CCDC40: variants seen among roughly 807,000 people sequenced by gnomAD.
The protein encoded by CCDC40 is coiled-coil domain 40 molecular ruler complex subunit.
In CCDC40, 104 loss-of-function variants were observed where a neutral mutation model predicts 124.5. The ratio of observed to expected loss-of-function variants is 0.84; its 90% confidence interval spans 0.71 to 0.98. The LOEUF is 0.98. Among genes scored for constraint, CCDC40 ranks in the 50% least tolerant of loss-of-function variants. CCDC40 has a pLI of 0.00. For missense variants in CCDC40, 1,463 were observed against 1,503.9 expected (o/e 0.97, Z 0.45); for synonymous variants, 580 against 602.9 (o/e 0.96, Z 0.56).
chr17:80,073,753 T>G (rs55956531), intron 10 of CCDC40, among the ~76,000 whole-genome samples: 3 of 152,096 alleles, frequency 2.0e-5, no homozygotes, highest in Non-Finnish European at 4.4e-5. Context: ...TGGAGGGCAG[T>G]GGCACGATCT....
chr17:80,083,672 C>T (rs2038512071), intron 12 of CCDC40, among the ~76,000 whole-genome samples: 1 of 152,234 alleles, frequency 6.6e-6, no homozygotes, highest in Non-Finnish European at 1.5e-5. Context: ...CACTGCCTCA[C>T]TCCTGATTAT....
At chr17:80,090,577 C>A (rs769235845) in intron 17 of CCDC40, 9 of 1,496,300 alleles carry the variant, frequency 6.0e-6, no homozygotes, top group Non-Finnish European at 8.0e-6. Flanking sequence ...AACCCTCAAA[C>A]TTTGTGACCC....
intron 7 of CCDC40, among the ~76,000 whole-genome samples, chr17:80,055,992 A>G (rs1346994534): frequency 2.2e-4 from 2 of 9,108 alleles, no homozygotes; most frequent in Non-Finnish European, 4.8e-4. Context: ...ATATATATAT[A>G]TATATATATA....
chr17:80,052,065 T>C (rs1032511199), intron 7 of CCDC40, among the ~76,000 whole-genome samples: 4 of 152,224 alleles, frequency 2.6e-5, no homozygotes, highest in African/African-American at 9.6e-5. Flanking sequence ...CAGCCACCAC[T>C]GCACAGTCCC....
chr17:80,080,751 A>C (rs994796698), intron 10 of CCDC40, among the ~76,000 whole-genome samples: 1 of 152,184 alleles, frequency 6.6e-6, no homozygotes, highest in African/African-American at 2.4e-5. Flanking sequence ...TGGGCTTTCA[A>C]TAGATAATAG....
In CCDC40 at chr17:80,051,720, A is replaced by AGTGGATG. The variant is rs1430368308; in HGVS notation, c.1159+1437_1159+1438insGTGGATG. Among the ~76,000 whole-genome samples the AGTGGATG allele has an allele frequency of 3.9e-3, 589 of 152,146 alleles. 4 individuals carry two copies. The highest frequency in any genetic ancestry group is 0.014 in the African/African-American group (574 of 41,526). ...AAACAGTAAAAGGAAAGAAAGTGAC[A>AGTGGATG]TCCACACTGAACTGAAAGAGCCACA... On this transcript the variant is annotated intron_variant, in intron 7 of 19. Coordinates refer to ENST00000397545, the MANE Select transcript of CCDC40 (RefSeq NM_017950.4).
In CCDC40 at chr17:80,066,352, C is replaced by A; in HGVS notation, c.1562+746C>A. 1 of 579,122 alleles carries A rather than the reference C, an allele frequency of 1.7e-6. No homozygotes were observed. Among genetic ancestry groups the A allele is most frequent in the South Asian group, 2.1e-5 (1 of 46,660 alleles). 35.9% of individuals were successfully genotyped at this position (579,122 alleles called of 1,614,324 possible). A position where few individuals can be genotyped will look rare whatever the true frequency, so the allele number is the denominator to read the frequency against. Reference sequence around the variant, plus strand: ...AGGCAGCCAGCAGCAGTCACACAACCAGGAGATGCTTTTCCTTTTGGGTGC... The same window carrying A: ...AGGCAGCCAGCAGCAGTCACACAACAAGGAGATGCTTTTCCTTTTGGGTGC... On this transcript the variant is annotated intron_variant, in intron 10 of 19. Coordinates refer to ENST00000397545, the MANE Select transcript of CCDC40 (RefSeq NM_017950.4). This position sits in a 1 kb window ranked among gnomAD's most constrained non-coding sequence, Gnocchi z 4.4.
intron 7 of CCDC40, among the ~76,000 whole-genome samples, chr17:80,057,804 G>T (rs965480105): frequency 6.6e-6 from 1 of 151,994 alleles, no homozygotes; most frequent in East Asian, 1.9e-4. Context: ...TGAACCCTGG[G>T]GGCGGAGCTT....
rs372360189 is a variant in CCDC40, at chr17:80,047,363, G to C, written c.637G>C (p.Glu213Gln). The change falls in exon 4 of 20, where the codon GAG (glutamate) becomes CAG (glutamine). Residue 213 changes from glutamate (E) to glutamine (Q), a missense_variant. Glu to Gln is a conservative substitution (Grantham distance 29). Coordinates refer to ENST00000397545, the MANE Select transcript of CCDC40 (RefSeq NM_017950.4). ...RFRLSHGSDI[E>Q]SSDLEEFVSQ... ...CCGGCTGAGCCACGGGAGCGACATC[G>C]AGTCCTCAGACCTGGAGGAGTTCGT... 3 of 1,613,602 alleles carry C rather than the reference G, an allele frequency of 1.9e-6. No homozygotes were observed. The highest frequency in any genetic ancestry group is 3.3e-5 in the Admixed American group (2 of 60,004).
Position 80,040,045 on chromosome 17 carries a change from T to C in CCDC40, c.327T>C (p.Ala109=), listed in dbSNP as rs1231498140. The C allele has an allele frequency of 1.9e-6, 3 of 1,614,110 alleles. No homozygotes were observed. In the Admixed American group the frequency reaches 5.0e-5, roughly 27 times the overall value. Residue 109 remains alanine, a synonymous_variant, in exon 3 of 20, where the codon GCT becomes GCC. Transcript: ENST00000397545. The part of the protein sequence containing the change: ...ETSSPEGQIS[A]ADTTYPYFSP... ...CATCCCCGGAAGGGCAAATCAGTGCTGCAGATACGACTTACCCGTATTTCA... is the reference window on the plus strand; with the variant it reads ...CATCCCCGGAAGGGCAAATCAGTGCCGCAGATACGACTTACCCGTATTTCA...
At position 80,087,655 on chromosome 17, in the gene CCDC40, T is replaced by C. The variant is rs1041533070; in HGVS notation, c.2498T>C (p.Met833Thr). The C allele has an allele frequency of 1.2e-6, 2 of 1,614,062 alleles. No individual in the cohort carries two copies. The highest frequency in any genetic ancestry group is 8.5e-7 in the Non-Finnish European group (1 of 1,179,946). The change falls in exon 15 of 20, where the codon ATG becomes ACG. Residue 833 changes from methionine (M) to threonine (T), a missense_variant. Met to Thr is a moderately conservative substitution (Grantham distance 81). Transcript: ENST00000397545. The surrounding 1 kb of genome is among the most constrained non-coding windows in gnomAD (Gnocchi z 4.5). ...GAGCAGAAGGAGATCGAGCACCACA[T>C]GAAGGACCTGGACAACGACCTGAAG... ...KKEQKEIEHH[M>T]KDLDNDLKKL...
At chr17:80,055,261 A>G (rs1325393426) in intron 7 of CCDC40, among the ~76,000 whole-genome samples, 1 of 152,168 alleles carries the variant, frequency 6.6e-6, no homozygotes, top group African/African-American at 2.4e-5. Context: ...GAAATGAGAT[A>G]TGGATCTGGG....
At chr17:80,067,592 A>G (rs1267306835) in intron 10 of CCDC40, 9 of 1,535,992 alleles carry the variant, frequency 5.9e-6, no homozygotes, top group African/African-American at 1.4e-5. Context: ...GGATACTTCT[A>G]CGGGGAAGCT....
chr17:80,084,598 G>A, intron 12 of CCDC40, 145 bp from the exon 13 acceptor site: 1 of 951,358 alleles, frequency 1.1e-6, no homozygotes, highest in Non-Finnish European at 1.6e-6. Flanking sequence ...GAGACAGTGG[G>A]AAATCCAGCC....
At chr17:80,054,534 C>T (rs962247658) in intron 7 of CCDC40, among the ~76,000 whole-genome samples, 3 of 152,112 alleles carry the variant, frequency 2.0e-5, no homozygotes, top group Admixed American at 6.6e-5. Flanking sequence ...AGCATACAAG[C>T]AGGAAACTGT....
chr17:80,040,698 AAAG>A (rs1359907755), intron 3 of CCDC40, among the ~76,000 whole-genome samples: 229 of 151,808 alleles, frequency 1.5e-3, no homozygotes, highest in Non-Finnish European at 2.1e-3. Context: ...AAAAAAAAGA[AAAG>A]AAATTTCTTA....
chr17:80,088,910 C>G (rs960375074), intron 16 of CCDC40, among the ~76,000 whole-genome samples: 1 of 152,154 alleles, frequency 6.6e-6, no homozygotes, highest in Non-Finnish European at 1.5e-5. Context: ...AGTTCTTGAG[C>G]CAAACGAGTT....
At chr17:80,075,895 G>A (rs1272833051) in intron 10 of CCDC40, among the ~76,000 whole-genome samples, 7 of 152,162 alleles carry the variant, frequency 4.6e-5, no homozygotes, top group Admixed American at 6.5e-5. Context: ...GGACTTCAGC[G>A]CAGAAAGTCA....
At chr17:80,068,827 A>G (rs1355921028) in intron 10 of CCDC40, among the ~76,000 whole-genome samples, 1 of 152,176 alleles carries the variant, frequency 6.6e-6, no homozygotes, top group East Asian at 1.9e-4. Context: ...TGAAATATAA[A>G]CACCAAAGAA....
Sources: allele counts gnomAD v4.1 joint callset (sites outside exome capture counted in the v4.1 genomes callset), GRCh38; gene constraint gnomAD v4.1.1; non-coding constraint Gnocchi (gnomAD v3.1); transcripts MANE v1.5; gene names NCBI Gene and HGNC (gene_info 2026-07-23, HGNC 2026-07-21).